RBFOX3: variants seen among roughly 807,000 people sequenced by gnomAD.
RBFOX3 encodes the protein RNA binding fox-1 homolog 3, also known as RNA binding protein fox-1 homolog 3.
Under a neutral mutation model 48.7 loss-of-function variants are expected in RBFOX3, and 17 were observed. That is an observed-to-expected ratio of 0.35 (90% CI 0.24 to 0.52). The LOEUF is 0.52. Ranked by LOEUF, RBFOX3 falls within the 20% of genes least tolerant of loss-of-function variation. The pLI is 0.94. For missense variants in RBFOX3, 382 were observed against 497.5 expected (o/e 0.77, Z 2.21); for synonymous variants, 212 against 209.5 (o/e 1.01, Z -0.10).
At chr17:79,186,379 C>T (rs920456748) in intron 4 of RBFOX3, among the ~76,000 whole-genome samples, 20 of 152,274 alleles carry the variant, frequency 1.3e-4, no homozygotes, top group Admixed American at 7.8e-4. Context: ...CTCAGTGCTC[C>T]GCTGTGATCG....
At chr17:79,223,977 C>A (rs1397391375) in intron 4 of RBFOX3, among the ~76,000 whole-genome samples, 1 of 152,156 alleles carries the variant, frequency 6.6e-6, no homozygotes, top group Non-Finnish European at 1.5e-5. Context: ...GGAGAGACAG[C>A]AGAAGGGAAG....
At chr17:79,240,454 T>A (rs1314670811) in intron 3 of RBFOX3, among the ~76,000 whole-genome samples, 1 of 152,234 alleles carries the variant, frequency 6.6e-6, no homozygotes, top group Non-Finnish European at 1.5e-5. Context: ...GATTTCTGCA[T>A]GGATGTGTCC....
rs937991729 is a variant in RBFOX3, at chr17:79,391,399, C to T, written c.-174-83575G>A. ...CTCCTTCCCACGATTGGTGAACACT[C>T]GGGCAGGTTACCTAACTTCTCTGAG... On this transcript the variant is annotated intron_variant, in intron 2 of 14. Transcript: ENST00000693108. The surrounding 1 kb of genome is among the most constrained non-coding windows in gnomAD (Gnocchi z 5.0). Among the ~76,000 whole-genome samples the T allele has an allele frequency of 3.3e-5, 5 of 152,142 alleles. No homozygotes were observed. The highest frequency in any genetic ancestry group is 1.3e-4 in the Admixed American group (2 of 15,274).
chr17:79,284,376 A>C (rs563552546), intron 3 of RBFOX3, among the ~76,000 whole-genome samples: 1 of 152,048 alleles, frequency 6.6e-6, no homozygotes, highest in African/African-American at 2.4e-5. Context: ...TGTTATTCCA[A>C]ATCCACAACC....
chr17:79,437,304 C>A (rs574287886), intron 2 of RBFOX3, among the ~76,000 whole-genome samples: 4 of 152,342 alleles, frequency 2.6e-5, no homozygotes, highest in South Asian at 4.1e-4. Context: ...ATTGTCCGTT[C>A]CAAGCTCCAG....
At chr17:79,569,257 C>A (rs897619712) in intron 1 of RBFOX3, among the ~76,000 whole-genome samples, 21 of 152,272 alleles carry the variant, frequency 1.4e-4, no homozygotes, top group African/African-American at 4.8e-4. Flanking sequence ...CCCCCCAAGC[C>A]CTGGCAACCA....
At chr17:79,216,673 C>T (rs548134947) in intron 4 of RBFOX3, among the ~76,000 whole-genome samples, 35 of 152,290 alleles carry the variant, frequency 2.3e-4, no homozygotes, top group African/African-American at 7.9e-4. Context: ...CATGCCCACC[C>T]GTTCTGGCGT....
intron 1 of RBFOX3, among the ~76,000 whole-genome samples, chr17:79,560,652 G>A (rs969214898): frequency 7.9e-5 from 12 of 152,238 alleles, no homozygotes; most frequent in African/African-American, 2.9e-4. Flanking sequence ...GCCAGCCAGT[G>A]CTGTCACAGC....
At position 79,190,424 on chromosome 17, in the gene RBFOX3, A is replaced by AAACAAAC. The variant is rs1555596597; in HGVS notation, c.-34+45341_-34+45342insGTTTGTT. On this transcript the variant is annotated intron_variant, in intron 4 of 14. Transcript: ENST00000693108. The stretch of plus-strand genomic sequence containing the variant: ...AAATCTCTGTCTCACCAAAAAAAAA[A>AAACAAAC]AAAAAAACAAAAAAACAGAGTGAAG... Among the ~76,000 whole-genome samples, 9 of 109,530 alleles carry AAACAAAC rather than the reference A, an allele frequency of 8.2e-5. 1 individual carries two copies. The East Asian group carries it at 1.9e-3, about 24-fold the overall frequency. The allele number at this position is 109,530 out of a possible 152,430, so 71.9% of individuals were successfully genotyped here. A position where few individuals can be genotyped will look rare whatever the true frequency, so the allele number is the denominator to read the frequency against.
chr17:79,149,342 G>T (rs998684874), intron 4 of RBFOX3, among the ~76,000 whole-genome samples: 1 of 152,178 alleles, frequency 6.6e-6, no homozygotes, highest in Non-Finnish European at 1.5e-5. Context: ...GCAGTGGGGG[G>T]AGTGGGGGCA....
At chr17:79,330,581 G>GA (rs1256293275) in intron 2 of RBFOX3, among the ~76,000 whole-genome samples, 2 of 151,644 alleles carry the variant, frequency 1.3e-5, no homozygotes, top group Admixed American at 1.3e-4. Context: ...GGTGGCAGGG[G>GA]GTCTGATAGT....
chr17:79,294,019 T>A (rs1292109120), intron 3 of RBFOX3, among the ~76,000 whole-genome samples: 3 of 152,214 alleles, frequency 2.0e-5, no homozygotes, highest in African/African-American at 7.2e-5. Context: ...CAGAGTCACC[T>A]GTCCGACTTC....
Position 79,319,500 on chromosome 17 carries a change from TTGGTCTTGTCTGGGCTGC to T in RBFOX3, c.-174-11694_-174-11677del, listed in dbSNP as rs367674042. 1.9e-3 allele frequency among the ~76,000 whole-genome samples: 289 copies of T among 149,740 alleles called. 1 individual carries two copies. The highest frequency in any genetic ancestry group is 6.5e-3 in the African/African-American group (265 of 40,574). On this transcript the variant is annotated intron_variant, in intron 2 of 14. Transcript: ENST00000693108. The stretch of plus-strand genomic sequence containing the variant: ...CCCCTCCAAGAGCAGCCTGGGCAGA[TTGGTCTTGTCTGGGCTGC>T]TGGTCTTGTCTGGGCTGCTGGGCTA...
chr17:79,640,148 A>G, the RBFOX3 span, among the ~76,000 whole-genome samples: 1 of 152,222 alleles, frequency 6.6e-6, no homozygotes, highest in African/African-American at 2.4e-5. Context: ...TACAAAGATC[A>G]ATTGTGTTTC....
intron 3 of RBFOX3, among the ~76,000 whole-genome samples, chr17:79,261,404 C>A (rs2065754769): frequency 6.6e-6 from 1 of 152,194 alleles, no homozygotes; most frequent in Non-Finnish European, 1.5e-5. Context: ...GACCCAAGAC[C>A]TGCTTTTCTC....
intron 2 of RBFOX3, among the ~76,000 whole-genome samples, chr17:79,422,907 C>T (rs1241462169): frequency 4.6e-5 from 7 of 152,280 alleles, no homozygotes; most frequent in South Asian, 2.1e-4. Context: ...CTCTCTTCCT[C>T]TCCCTGTCTC....
intron 1 of RBFOX3, among the ~76,000 whole-genome samples, chr17:79,524,769 A>G (rs2086583716): frequency 6.6e-6 from 1 of 152,142 alleles, no homozygotes; most frequent in African/African-American, 2.4e-5. Flanking sequence ...ATGGAGCCCT[A>G]GTTTGCAGAG....
chr17:79,211,980 G>A (rs1174586854), intron 4 of RBFOX3, among the ~76,000 whole-genome samples: 1 of 152,126 alleles, frequency 6.6e-6, no homozygotes, highest in Admixed American at 6.5e-5. Context: ...CTCCCCCAGC[G>A]GGCCCAGGAG....
chr17:79,611,175 C>CTCT (rs2093964804), upstream of RBFOX3, among the ~76,000 whole-genome samples: 2 of 3,154 alleles, frequency 6.3e-4, 1 homozygote, highest in South Asian at 0.026. Flanking sequence ...TCTCTCTCTC[C>CTCT]GCCCTCCTTC....
Sources: allele counts gnomAD v4.1 joint callset (sites outside exome capture counted in the v4.1 genomes callset), GRCh38; gene constraint gnomAD v4.1.1; non-coding constraint Gnocchi (gnomAD v3.1); transcripts MANE v1.5; gene names NCBI Gene and HGNC (gene_info 2026-07-23, HGNC 2026-07-21).